ASXL3: variants seen among roughly 807,000 people sequenced by gnomAD.
The protein encoded by ASXL3 is ASXL transcriptional regulator 3.
ASXL3 carries 34 observed loss-of-function variants against 170.6 expected under a neutral mutation model. The ratio of observed to expected loss-of-function variants is 0.20; its 90% CI spans 0.15 to 0.27. The LOEUF is 0.27. ASXL3 is among the 10% of genes least tolerant of loss of function. The pLI is 1.00. For synonymous variants in ASXL3, 1,002 were observed against 989.1 expected, an observed-to-expected ratio of 1.01 and a Z score of -0.24; for missense variants, 2,592 against 2,695.3, an observed-to-expected ratio of 0.96 and a Z score of 0.85.
intron 1 of ASXL3, among the ~76,000 whole-genome samples, chr18:33,598,373 C>T (rs2065150238): frequency 6.6e-6 from 1 of 151,980 alleles, no homozygotes; most frequent in Non-Finnish European, 1.5e-5. Context: ...CCCATGTTTG[C>T]TTTTACTTAG....
chr18:33,741,648 A>G (rs1274187341), intron 11 of ASXL3, among the ~76,000 whole-genome samples: 3 of 152,232 alleles, frequency 2.0e-5, no homozygotes, highest in Non-Finnish European at 2.9e-5. Flanking sequence ...ATGAGAAACA[A>G]GATAGCTCAG....
chr18:33,729,388 C>G (rs1320618074), intron 8 of ASXL3, among the ~76,000 whole-genome samples: 1 of 152,076 alleles, frequency 6.6e-6, no homozygotes, highest in Admixed American at 6.6e-5. Context: ...ACTTGAAGCT[C>G]TTTTTGCTTC....
intron 8 of ASXL3, among the ~76,000 whole-genome samples, chr18:33,686,923 C>T (rs2066606305): frequency 6.6e-6 from 1 of 152,076 alleles, no homozygotes; most frequent in African/African-American, 2.4e-5. Flanking sequence ...ATGGATTGGA[C>T]AGCAGAAAGA....
chr18:33,663,768 T>C (rs1225508635), intron 5 of ASXL3, among the ~76,000 whole-genome samples: 1 of 152,186 alleles, frequency 6.6e-6, no homozygotes, highest in Non-Finnish European at 1.5e-5. Flanking sequence ...TGCAGAATTT[T>C]GCCCAGATTC....
chr18:33,663,733 A>G (rs2066214463), intron 5 of ASXL3, among the ~76,000 whole-genome samples: 1 of 152,150 alleles, frequency 6.6e-6, no homozygotes, highest in South Asian at 2.1e-4. Flanking sequence ...CAGATTGGAA[A>G]TATATTTAGA....
intron 2 of ASXL3, among the ~76,000 whole-genome samples, chr18:33,629,310 TA>T (rs1478412459): frequency 2.6e-5 from 4 of 152,072 alleles, no homozygotes; most frequent in African/African-American, 7.2e-5. Flanking sequence ...AGTGGCAATA[TA>T]AAAGACCAAG....
intron 1 of ASXL3, among the ~76,000 whole-genome samples, chr18:33,600,404 A>C (rs1190681499): frequency 2.0e-5 from 3 of 152,120 alleles, no homozygotes; most frequent in African/African-American, 7.2e-5. Context: ...GGAAAGCATA[A>C]TGTTTACTTG....
intron 1 of ASXL3, among the ~76,000 whole-genome samples, chr18:33,589,485 C>T (rs921701342): frequency 4.6e-5 from 7 of 151,926 alleles, no homozygotes; most frequent in East Asian, 1.9e-4. Context: ...AGGAAATAGA[C>T]GGCATTACCT....
chr18:33,658,433 A>G (rs116365848), intron 4 of ASXL3, among the ~76,000 whole-genome samples: 23 of 152,248 alleles, frequency 1.5e-4, no homozygotes, highest in African/African-American at 5.5e-4. Context: ...CGTCATACGC[A>G]TGGAAAAAGA....
intron 8 of ASXL3, among the ~76,000 whole-genome samples, chr18:33,695,594 A>G (rs990306962): frequency 6.6e-6 from 1 of 152,180 alleles, no homozygotes; most frequent in Admixed American, 6.6e-5. Context: ...TAAAATAACT[A>G]TAGACTCAAT....
In ASXL3 at chr18:33,744,146, G is replaced by C; in HGVS notation, c.4298G>C (p.Ser1433Thr). The change falls in exon 12 of 12, where the codon AGT (serine) becomes ACT (threonine). Residue 1433 changes from serine (S) to threonine (T), a missense_variant. Transcript: ENST00000269197. ...INSYDSPPKL[S>T]AESLDKNSGP... ...TCTTATGATAGTCCTCCCAAGTTAA[G>C]TGCTGAAAGCTTGGACAAAAATTCA... is the stretch of plus-strand genomic sequence containing the variant. 6.2e-7 allele frequency: 1 copy of C among 1,614,018 alleles called. No homozygotes were observed. The highest frequency in any genetic ancestry group is 8.5e-7 in the Non-Finnish European group (1 of 1,179,912).
chr18:33,737,690 A>C (rs945007509), intron 10 of ASXL3, among the ~76,000 whole-genome samples: 1 of 152,126 alleles, frequency 6.6e-6, no homozygotes, highest in Non-Finnish European at 1.5e-5. Flanking sequence ...ATAACCCCAA[A>C]TATGTTCTGT....
chr18:33,705,890 T>C (rs144839744), intron 8 of ASXL3, among the ~76,000 whole-genome samples: 1 of 151,862 alleles, frequency 6.6e-6, no homozygotes, highest in Non-Finnish European at 1.5e-5. Flanking sequence ...TTTTGGAAAC[T>C]CCCGTTGCCG....
chr18:33,732,156 C>T (rs1328280518), intron 9 of ASXL3, 92 bp downstream of exon 9: 11 of 898,408 alleles, frequency 1.2e-5, no homozygotes, highest in Admixed American at 2.8e-5. Context: ...GTCTTTTCCC[C>T]GACACAGTAC....
chr18:33,624,432 G>A (rs537214312), intron 2 of ASXL3, among the ~76,000 whole-genome samples: 2 of 151,982 alleles, frequency 1.3e-5, no homozygotes, highest in South Asian at 2.1e-4. Flanking sequence ...TAGTGCTCAG[G>A]TTTTTTTGTT....
rs370455816 is a variant in ASXL3 at position 33,725,825 on chromosome 18, C to G, written c.880-6143C>G. Among the ~76,000 whole-genome samples the G allele has an allele frequency of 1.1e-4, 16 of 152,158 alleles. 1 individual carries two copies. Among genetic ancestry groups the G allele is most frequent in the East Asian group, 5.8e-4 (3 of 5,182 alleles). On this transcript the variant is annotated intron_variant, in intron 8 of 11. Coordinates refer to ENST00000269197, the MANE Select transcript of ASXL3 (RefSeq NM_030632.3). Reference sequence around the variant, plus strand: ...TATTCCTGGGAAGCATCTTCCACATCTTTTTGTCTCATCTTTCTCAGCCCC... The same window carrying G: ...TATTCCTGGGAAGCATCTTCCACATGTTTTTGTCTCATCTTTCTCAGCCCC...
At chr18:33,581,373 T>C (rs1296728283) in intron 1 of ASXL3, among the ~76,000 whole-genome samples, 1 of 152,108 alleles carries the variant, frequency 6.6e-6, no homozygotes, top group Admixed American at 6.5e-5. Flanking sequence ...TATGTGGTTT[T>C]TGCAATAAAT....
intron 2 of ASXL3, among the ~76,000 whole-genome samples, chr18:33,634,475 T>C (rs920852299): frequency 6.6e-6 from 1 of 152,160 alleles, no homozygotes; most frequent in Non-Finnish European, 1.5e-5. Flanking sequence ...AGGGGAAATA[T>C]ATCTAAATCT....
At chr18:33,615,112 C>A (rs2065402719) in intron 2 of ASXL3, among the ~76,000 whole-genome samples, 1 of 152,096 alleles carries the variant, frequency 6.6e-6, no homozygotes, top group African/African-American at 2.4e-5. Flanking sequence ...TCCTAGATGG[C>A]ATTTTCTTTC....
Sources: allele counts gnomAD v4.1 joint callset (sites outside exome capture counted in the v4.1 genomes callset), GRCh38; gene constraint gnomAD v4.1.1; transcripts MANE v1.5; gene names NCBI Gene and HGNC (gene_info 2026-07-23, HGNC 2026-07-21).